The following RBFOX1 variants were observed in gnomAD, a reference collection of about 807,000 sequenced individuals.
The protein encoded by RBFOX1 is RNA binding fox-1 homolog 1.
RBFOX1 carries 8 observed loss-of-function variants against 57.7 expected under a neutral mutation model. The ratio of observed to expected loss-of-function variants is 0.14; its 90% CI spans 0.08 to 0.25. The LOEUF is 0.25. RBFOX1 is among the 10% of genes least tolerant of loss of function. The probability of loss-of-function intolerance (pLI) is 1.00; values close to 1 mark genes in which losing one functional copy is unlikely to be tolerated. For synonymous variants in RBFOX1, 326 were observed against 222.4 expected, an observed-to-expected ratio of 1.47 and a Z score of -4.15; for missense variants, 611 against 548.5, an observed-to-expected ratio of 1.11 and a Z score of -1.14.
chr16:6,225,615 G>T (rs752023344), intron 1 of RBFOX1, among the ~76,000 whole-genome samples: 3 of 152,172 alleles, frequency 2.0e-5, no homozygotes, highest in Admixed American at 6.5e-5. Flanking sequence ...AATGAAAACT[G>T]GAAGAAAGGG....
intron 3 of RBFOX1, among the ~76,000 whole-genome samples, chr16:6,880,635 A>G (rs2062746519): frequency 6.6e-6 from 1 of 152,214 alleles, no homozygotes; most frequent in African/African-American, 2.4e-5. Flanking sequence ...TGGGGAAAAA[A>G]TCAACCCAAA....
At chr16:7,655,194 ATGTT>A (rs1006279891) in intron 12 of RBFOX1, among the ~76,000 whole-genome samples, 2 of 152,246 alleles carry the variant, frequency 1.3e-5, no homozygotes, top group Admixed American at 6.5e-5. Flanking sequence ...AGCATTTGAA[ATGTT>A]TGTTTCAAAA....
At chr16:6,739,719 A>C (rs1340945308) in intron 3 of RBFOX1, among the ~76,000 whole-genome samples, 2 of 151,994 alleles carry the variant, frequency 1.3e-5, no homozygotes, top group African/African-American at 4.8e-5. Flanking sequence ...TCTACTAAAA[A>C]TACAAAAATT....
Position 5,750,616 on chromosome 16 carries a change from C to CGG in RBFOX1, c.319-116686_319-116685dup, listed in dbSNP as rs370657518. ...TGCCGTCTTGCAGTTCGATCTCAGA[C>CGG]GGCTGTGCTAGCAATGAGTGAGGCT... On this transcript the variant is annotated intron_variant, in intron 3 of 19. Transcript: ENST00000641259. 2.7e-3 allele frequency among the ~76,000 whole-genome samples: 414 copies of CGG among 152,288 alleles called. 3 individuals are homozygous for CGG. Among genetic ancestry groups the CGG allele is most frequent in the African/African-American group, 9.5e-3 (393 of 41,544 alleles).
intron 10 of RBFOX1, among the ~76,000 whole-genome samples, chr16:7,627,129 TTTTTTTTTTTC>T (rs1266851747): frequency 4.0e-5 from 6 of 150,700 alleles, no homozygotes; most frequent in African/African-American, 1.5e-4. Context: ...GCCTCCTTTT[TTTTTTTTTTTC>T]TTTTAAGTTG....
At chr16:7,130,675 T>C (rs1027500690) in intron 4 of RBFOX1, among the ~76,000 whole-genome samples, 1 of 152,236 alleles carries the variant, frequency 6.6e-6, no homozygotes, top group African/African-American at 2.4e-5. Context: ...TTGATAAATA[T>C]AAGACTATAA....
At chr16:5,783,314 G>A (rs559977727) in intron 3 of RBFOX1, among the ~76,000 whole-genome samples, 10 of 151,986 alleles carry the variant, frequency 6.6e-5, no homozygotes, top group African/African-American at 1.9e-4. Context: ...CTATCTTTTC[G>A]CTGCTTAGCA....
chr16:6,706,998 G>C (rs1437114229), intron 3 of RBFOX1, among the ~76,000 whole-genome samples: 1 of 152,100 alleles, frequency 6.6e-6, no homozygotes, highest in Non-Finnish European at 1.5e-5. Flanking sequence ...ATGTGGAACA[G>C]CACAGAGAAG....
chr16:7,475,516 G>C (rs758114131), intron 4 of RBFOX1, among the ~76,000 whole-genome samples: 1 of 152,006 alleles, frequency 6.6e-6, no homozygotes, highest in African/African-American at 2.4e-5. Context: ...GCGTTTCACC[G>C]TGTTAGGCAT....
chr16:6,918,453 TA>T (rs1567873914), intron 3 of RBFOX1, among the ~76,000 whole-genome samples: 1 of 152,056 alleles, frequency 6.6e-6, no homozygotes. Flanking sequence ...ACATGCAGAG[TA>T]AAACCATCTT....
chr16:5,444,845 G>C (rs1041435921), intron 1 of RBFOX1, among the ~76,000 whole-genome samples: 1 of 152,188 alleles, frequency 6.6e-6, no homozygotes, highest in African/African-American at 2.4e-5. Flanking sequence ...ATAGGTCCAG[G>C]ATAGCTGAAT....
At chr16:7,185,029 T>G (rs1183011913) in intron 4 of RBFOX1, among the ~76,000 whole-genome samples, 4 of 152,176 alleles carry the variant, frequency 2.6e-5, no homozygotes, top group Non-Finnish European at 5.9e-5. Context: ...AAATTGATCC[T>G]TAGATTAAAT....
At chr16:7,392,638 A>C (rs547463759) in intron 4 of RBFOX1, among the ~76,000 whole-genome samples, 5 of 152,266 alleles carry the variant, frequency 3.3e-5, no homozygotes, top group African/African-American at 1.2e-4. Flanking sequence ...CTAATCCCCT[A>C]TAGGTTAAGC....
At chr16:7,513,680 T>G (rs965922599) in intron 4 of RBFOX1, among the ~76,000 whole-genome samples, 2 of 152,152 alleles carry the variant, frequency 1.3e-5, no homozygotes, top group African/African-American at 4.8e-5. Flanking sequence ...ATCACACCTC[T>G]GTAAGAACTA....
intron 3 of RBFOX1, among the ~76,000 whole-genome samples, chr16:6,939,816 T>C (rs956437206): frequency 1.7e-4 from 26 of 152,290 alleles, no homozygotes; most frequent in African/African-American, 5.3e-4. Context: ...TGGACCAGAA[T>C]TTTTCACTAA....
chr16:6,508,623 C>T (rs1235044645), intron 2 of RBFOX1, among the ~76,000 whole-genome samples: 1 of 152,102 alleles, frequency 6.6e-6, no homozygotes, highest in Non-Finnish European at 1.5e-5. Context: ...GCTGTTTCTT[C>T]TTTACTTTTC....
intron 3 of RBFOX1, among the ~76,000 whole-genome samples, chr16:7,047,402 G>A (rs1367493382): frequency 1.3e-5 from 2 of 151,710 alleles, no homozygotes; most frequent in African/African-American, 4.8e-5. Context: ...TGTTTAGTTT[G>A]GATTTTGTTT....
At chr16:5,756,744 A>G (rs1230926546) in intron 3 of RBFOX1, among the ~76,000 whole-genome samples, 1 of 152,146 alleles carries the variant, frequency 6.6e-6, no homozygotes, top group Non-Finnish European at 1.5e-5. Flanking sequence ...AGCCAAAGAG[A>G]CCCCATGAAA....
chr16:7,086,398 C>T (rs1056380870), intron 4 of RBFOX1, among the ~76,000 whole-genome samples: 6 of 152,114 alleles, frequency 3.9e-5, no homozygotes, highest in Non-Finnish European at 8.8e-5. Context: ...ATATTAATTT[C>T]TTCTTTATCC....
Sources: allele counts gnomAD v4.1 joint callset (sites outside exome capture counted in the v4.1 genomes callset), GRCh38; gene constraint gnomAD v4.1.1; transcripts MANE v1.5; gene names NCBI Gene and HGNC (gene_info 2026-07-23, HGNC 2026-07-21).